Variants in GAB1 observed in about 807,000 individuals in gnomAD.
GAB1 encodes the protein GRB2 associated binding protein 1, also known as GRB2-associated-binding protein 1.
Under a neutral mutation model 66.5 loss-of-function variants are expected in GAB1, and 19 were observed. That is an observed-to-expected ratio of 0.29 (90% confidence interval 0.20 to 0.42). The LOEUF (loss-of-function observed/expected upper bound fraction) is 0.42. GAB1 is among the 10% of genes least tolerant of loss of function. GAB1 has a pLI of 1.00. For missense variants in GAB1, 732 were observed against 858.5 expected (o/e 0.85, Z 1.84); for synonymous variants, 294 against 301.4 (o/e 0.98, Z 0.25).
intron 1 of GAB1, among the ~76,000 whole-genome samples, chr4:143,405,230 TAGAG>T (rs992476224): frequency 3.3e-5 from 5 of 151,848 alleles, no homozygotes; most frequent in Non-Finnish European, 7.4e-5. Context: ...TATGGATATA[TAGAG>T]AGAGAGAGAG....
At chr4:143,409,350 T>C (rs1732236415) in intron 1 of GAB1, among the ~76,000 whole-genome samples, 1 of 151,730 alleles carries the variant, frequency 6.6e-6, no homozygotes, top group African/African-American at 2.4e-5. Flanking sequence ...GCTATCTTAC[T>C]GAAGGAGTTT....
intron 9 of GAB1, among the ~76,000 whole-genome samples, chr4:143,468,205 ATTC>A (rs1303707381): frequency 1.5e-5 from 2 of 129,318 alleles, no homozygotes; most frequent in Non-Finnish European, 3.2e-5. Flanking sequence ...ATTAGTTTGA[ATTC>A]TTTTTTTTTT....
At chr4:143,391,494 C>G (rs1209461821) in intron 1 of GAB1, 1 of 152,100 alleles carries the variant, frequency 6.6e-6, no homozygotes, top group African/African-American at 2.4e-5. Flanking sequence ...TAAATTTAAC[C>G]CCTTCTCTGA....
intron 1 of GAB1, among the ~76,000 whole-genome samples, chr4:143,353,127 G>A (rs1227388095): frequency 1.3e-5 from 2 of 152,212 alleles, no homozygotes; most frequent in Non-Finnish European, 2.9e-5. Context: ...AGATGAAGGA[G>A]GATTAGCTGT....
chr4:143,446,512 T>A (rs1191089974), intron 6 of GAB1, among the ~76,000 whole-genome samples: 2 of 151,724 alleles, frequency 1.3e-5, no homozygotes, highest in Non-Finnish European at 3.0e-5. Flanking sequence ...GGTATCTCAT[T>A]GTGGTTTTGA....
At chr4:143,339,906 G>A (rs1216175005) in intron 1 of GAB1, among the ~76,000 whole-genome samples, 2 of 152,182 alleles carry the variant, frequency 1.3e-5, no homozygotes. Context: ...GCCTGGTGTA[G>A]CACTGGTGTT....
In GAB1 at chr4:143,457,595, CT is replaced by C. The variant is rs144852070; in HGVS notation, c.1586-1770del. The C allele has an allele frequency of 0.14, 42,214 of 293,724 alleles. 352 individuals carry two copies. The highest frequency in any genetic ancestry group is 0.18 in the East Asian group (2,793 of 15,262). 18.2% of individuals were successfully genotyped at this position (293,724 alleles called of 1,614,324 possible). On this transcript the variant is annotated intron_variant, in intron 6 of 9. Transcript: ENST00000262994. ...AACATTTTTGCACAGGGCTCTGTTG[CT>C]TTTTTTTTTTTTTTTTTTTACAGAA... is the stretch of plus-strand genomic sequence containing the variant.
At chr4:143,427,497 C>T (rs1378757078) in intron 2 of GAB1, among the ~76,000 whole-genome samples, 1 of 151,620 alleles carries the variant, frequency 6.6e-6, no homozygotes, top group Non-Finnish European at 1.5e-5. Context: ...GGTCTTTTAT[C>T]GGTTTGCACA....
At chr4:143,340,210 T>A (rs1019169434) in intron 1 of GAB1, among the ~76,000 whole-genome samples, 3 of 152,218 alleles carry the variant, frequency 2.0e-5, no homozygotes, top group East Asian at 1.9e-4. Flanking sequence ...TTGTTTTTTT[T>A]ATGTAGAATG....
intron 1 of GAB1, among the ~76,000 whole-genome samples, chr4:143,365,120 G>A (rs188414552): frequency 2.0e-5 from 3 of 151,610 alleles, no homozygotes; most frequent in Admixed American, 1.3e-4. Flanking sequence ...CTTGTGATCC[G>A]CCCGCCTCTG....
At chr4:143,387,691 G>A (rs973978146) in intron 1 of GAB1, among the ~76,000 whole-genome samples, 1 of 152,054 alleles carries the variant, frequency 6.6e-6, no homozygotes, top group Non-Finnish European at 1.5e-5. Flanking sequence ...GGGTCTCCCT[G>A]CCTGGACATT....
intron 3 of GAB1, among the ~76,000 whole-genome samples, chr4:143,437,255 T>A (rs1475049159): frequency 6.6e-6 from 1 of 152,076 alleles, no homozygotes; most frequent in Non-Finnish European, 1.5e-5. Flanking sequence ...GAAGTGAGAG[T>A]GTGCTTGTGT....
intron 1 of GAB1, among the ~76,000 whole-genome samples, chr4:143,338,599 A>G (rs1728731286): frequency 6.6e-6 from 1 of 152,214 alleles, no homozygotes; most frequent in Non-Finnish European, 1.5e-5. Flanking sequence ...ATGCCTCCAA[A>G]TCCTGTCCAT....
intron 1 of GAB1, among the ~76,000 whole-genome samples, chr4:143,357,412 G>C (rs1194613233): frequency 1.3e-5 from 2 of 152,136 alleles, no homozygotes; most frequent in African/African-American, 4.8e-5. Flanking sequence ...GGAACCAGGG[G>C]TTATCAGATA....
At chr4:143,341,054 G>A (rs1362316750) in intron 1 of GAB1, among the ~76,000 whole-genome samples, 1 of 151,988 alleles carries the variant, frequency 6.6e-6, no homozygotes, top group Non-Finnish European at 1.5e-5. Flanking sequence ...TTCTATATTC[G>A]CAAAAGGTTC....
At chr4:143,349,806 A>G (rs992431981) in intron 1 of GAB1, 77 of 1,587,434 alleles carry the variant, frequency 4.9e-5, no homozygotes, top group Non-Finnish European at 6.4e-5. Flanking sequence ...GCTGGCCGGC[A>G]CGGGTCTGCT....
Position 143,440,563 on chromosome 4 carries a change from C to T in GAB1, c.1585+181C>T, listed in dbSNP as rs28925907. Among the ~76,000 whole-genome samples the T allele has an allele frequency of 0.25, 38,139 of 152,062 alleles. 5,034 individuals carry two copies. Among genetic ancestry groups the T allele is most frequent in the South Asian group, 0.31 (1,498 of 4,808 alleles). Reference sequence around the variant, plus strand: ...TTATAAATTAACAATTATGATATCACATGTTGATGTGAGGTGATATTTATA... The same window carrying T: ...TTATAAATTAACAATTATGATATCATATGTTGATGTGAGGTGATATTTATA... On this transcript the variant is annotated intron_variant, in intron 6 of 9. Transcript: ENST00000262994.
At chr4:143,390,431 A>G (rs1384837334) in intron 1 of GAB1, among the ~76,000 whole-genome samples, 1 of 144,450 alleles carries the variant, frequency 6.9e-6, no homozygotes. Flanking sequence ...TTTTTTTTTT[A>G]GGAAGCACAC....
chr4:143,423,862 A>AT (rs35941121), intron 2 of GAB1, among the ~76,000 whole-genome samples: 14,201 of 124,440 alleles, frequency 0.11, 1,234 homozygotes, highest in Non-Finnish European at 0.17. Context: ...TGAAAAGGAT[A>AT]TTTTTTTTTT....
Sources: allele counts gnomAD v4.1 joint callset (sites outside exome capture counted in the v4.1 genomes callset), GRCh38; gene constraint gnomAD v4.1.1; transcripts MANE v1.5; gene names NCBI Gene and HGNC (gene_info 2026-07-23, HGNC 2026-07-21).